Variants in PREX2 observed in about 807,000 individuals in gnomAD.
PREX2 encodes the protein phosphatidylinositol 3,4,5-trisphosphate-dependent Rac exchanger 2 protein.
Under a neutral mutation model 203.2 loss-of-function variants are expected in PREX2, and 107 were observed. That is an observed-to-expected ratio of 0.53 (90% CI 0.45 to 0.62). PREX2 has a LOEUF of 0.62. Among genes scored for constraint, PREX2 ranks in the 20% least tolerant of loss-of-function variants. The pLI, the probability that PREX2 is intolerant of heterozygous loss-of-function variation, is 0.00. For synonymous variants in PREX2, 672 were observed against 663.6 expected, an observed-to-expected ratio of 1.01 and a Z score of -0.19; for missense variants, 1,777 against 1,955.9, an observed-to-expected ratio of 0.91 and a Z score of 1.72.
intron 1 of PREX2, among the ~76,000 whole-genome samples, chr8:67,977,206 C>T (rs558474915): frequency 6.6e-6 from 1 of 152,180 alleles, no homozygotes; most frequent in Non-Finnish European, 1.5e-5. Context: ...CTCTCCCCGT[C>T]TTTCATTTAC....
At chr8:68,125,171 A>C (rs1481577173) in intron 30 of PREX2, among the ~76,000 whole-genome samples, 1 of 152,066 alleles carries the variant, frequency 6.6e-6, no homozygotes, top group African/African-American at 2.4e-5. Context: ...ATGTGGAGGC[A>C]CTCTGAGTAA....
chr8:68,046,047 C>T (rs114080168), intron 8 of PREX2, among the ~76,000 whole-genome samples: 3,050 of 152,104 alleles, frequency 0.02, 101 homozygotes, highest in African/African-American at 0.07. Context: ...ACACTAAAAA[C>T]TTCTACTCTG....
In PREX2 at chr8:68,108,271, G is replaced by A. The variant is rs1287337314; in HGVS notation, c.2878G>A (p.Val960Ile). The A allele has an allele frequency of 6.2e-7, 1 of 1,614,006 alleles. No homozygotes were observed. The highest frequency in any genetic ancestry group is 8.5e-7 in the Non-Finnish European group (1 of 1,179,922). Residue 960 changes from valine (V) to isoleucine (I), a missense_variant, in exon 24 of 40, where the codon GTT becomes ATT. Coordinates refer to ENST00000288368, the MANE Select transcript of PREX2 (RefSeq NM_024870.4). ...TSTSLGSAFG[V>I]QLDSRKHNSH... ...AACCTCTTTGGGAAGTGCATTTGGT[G>A]TTCAGTTGGATAGCAGGAAGCATAA... is the stretch of plus-strand genomic sequence containing the variant.
chr8:67,998,220 C>T (rs2129609663), intron 1 of PREX2, among the ~76,000 whole-genome samples: 1 of 152,278 alleles, frequency 6.6e-6, no homozygotes, highest in African/African-American at 2.4e-5. Context: ...AGTTCTCTTT[C>T]TATCCTGCCA....
At chr8:68,005,117 AC>A (rs779398178) in intron 1 of PREX2, among the ~76,000 whole-genome samples, 28 of 152,044 alleles carry the variant, frequency 1.8e-4, no homozygotes, top group South Asian at 6.2e-4. Context: ...GTTTCCTTCA[AC>A]CCTGTCCTCC....
intron 1 of PREX2, among the ~76,000 whole-genome samples, chr8:67,997,562 CT>C (rs1003770100): frequency 5.3e-5 from 8 of 152,018 alleles, no homozygotes; most frequent in Admixed American, 1.3e-4. Context: ...TCTAACTTTC[CT>C]TTTTTTCCCC....
At chr8:68,005,830 C>G (rs1486957630) in intron 1 of PREX2, among the ~76,000 whole-genome samples, 1 of 152,148 alleles carries the variant, frequency 6.6e-6, no homozygotes. Context: ...AAGGAACTGG[C>G]CTTTCCATTG....
At chr8:68,212,549 A>G (rs894244099) in intron 37 of PREX2, among the ~76,000 whole-genome samples, 1 of 152,242 alleles carries the variant, frequency 6.6e-6, no homozygotes, top group Non-Finnish European at 1.5e-5. Context: ...ATAAATTGCA[A>G]TGTTTAAAAT....
At chr8:68,032,636 TAGGACTCTCTGTA>T (rs1233602392) in intron 6 of PREX2, among the ~76,000 whole-genome samples, 1 of 152,174 alleles carries the variant, frequency 6.6e-6, no homozygotes, top group Non-Finnish European at 1.5e-5. Context: ...GCTAGTCTCA[TAGGACTCTCTGTA>T]AGGACGCAGA....
intron 37 of PREX2, among the ~76,000 whole-genome samples, chr8:68,196,694 A>G (rs1812403242): frequency 6.6e-6 from 1 of 150,764 alleles, no homozygotes; most frequent in South Asian, 2.1e-4. Flanking sequence ...AGTTTTCATG[A>G]GATCTGCTTC....
intron 23 of PREX2, chr8:68,103,036 T>C: frequency 2.1e-6 from 1 of 475,260 alleles, no homozygotes; most frequent in Non-Finnish European, 4.2e-6. Context: ...AATTCCATAA[T>C]TGGGCTTATT....
intron 18 of PREX2, among the ~76,000 whole-genome samples, chr8:68,085,109 A>G (rs1160829123): frequency 6.6e-6 from 1 of 152,158 alleles, no homozygotes; most frequent in African/African-American, 2.4e-5. Flanking sequence ...TAAGTGTATA[A>G]CTTCACGTCC....
chr8:68,212,480 A>G (rs556818913), intron 37 of PREX2, among the ~76,000 whole-genome samples: 1 of 152,346 alleles, frequency 6.6e-6, no homozygotes, highest in South Asian at 2.1e-4. Flanking sequence ...AGTCAGAAAG[A>G]ATTTAGAAAA....
chr8:68,151,984 A>G (rs1270416440), intron 34 of PREX2, among the ~76,000 whole-genome samples: 5 of 151,556 alleles, frequency 3.3e-5, no homozygotes, highest in African/African-American at 4.9e-5. Flanking sequence ...AACTCTTCTT[A>G]AGGCTCTTTA....
chr8:68,159,432 A>G (rs1811610584), intron 35 of PREX2, among the ~76,000 whole-genome samples: 2 of 152,208 alleles, frequency 1.3e-5, no homozygotes, highest in African/African-American at 2.4e-5. Flanking sequence ...GGACTTCCAC[A>G]GTAGCTTTAG....
chr8:68,024,994 T>C (rs902504887), intron 4 of PREX2, among the ~76,000 whole-genome samples: 10 of 151,994 alleles, frequency 6.6e-5, no homozygotes, highest in Non-Finnish European at 1.3e-4. Context: ...TATTACATTA[T>C]ATATGTTATA....
At chr8:68,215,453 C>T (rs1013355086) in intron 37 of PREX2, among the ~76,000 whole-genome samples, 3 of 151,968 alleles carry the variant, frequency 2.0e-5, no homozygotes, top group Admixed American at 6.6e-5. Flanking sequence ...GATTTAAAAT[C>T]GCAGTGGAGG....
At chr8:68,155,402 TA>T (rs950004467) in intron 34 of PREX2, among the ~76,000 whole-genome samples, 4 of 152,098 alleles carry the variant, frequency 2.6e-5, no homozygotes, top group African/African-American at 4.8e-5. Context: ...AATTTCCATT[TA>T]AAAAAAATCT....
chr8:68,109,300 A>G (rs1034064305), intron 24 of PREX2, 116 bp from the exon 25 acceptor site: 1 of 718,922 alleles, frequency 1.4e-6, no homozygotes, highest in Non-Finnish European at 2.3e-6. Flanking sequence ...CAGGTTGTAC[A>G]TGTAATACAT....
Sources: gnomAD v4.1 joint callset for allele counts (sites outside exome capture counted in the v4.1 genomes callset) on GRCh38, gnomAD v4.1.1 for gene constraint, MANE v1.5 for transcripts, NCBI Gene and HGNC (gene_info 2026-07-23, HGNC 2026-07-21) for gene names.